CDC123: variants seen among roughly 807,000 people sequenced by gnomAD.
CDC123 encodes the protein translation initiation factor eIF2 assembly protein.
A neutral mutation model predicts 54.4 loss-of-function variants in CDC123; 37 were observed. The ratio of observed to expected loss-of-function variants is 0.68; its 90% CI spans 0.52 to 0.89. The LOEUF (loss-of-function observed/expected upper bound fraction) is 0.89, where lower values mean the gene tolerates loss of function less well. CDC123 is among the 40% of genes least tolerant of loss of function. The pLI is 0.00. For missense variants in CDC123, 361 were observed against 412.1 expected, an observed-to-expected ratio of 0.88 and a Z score of 1.07; for synonymous variants, 144 against 136.8, an observed-to-expected ratio of 1.05 and a Z score of -0.37.
At chr10:12,243,821 G>A (rs1218132234) in intron 10 of CDC123, among the ~76,000 whole-genome samples, 1 of 151,804 alleles carries the variant, frequency 6.6e-6, no homozygotes, top group Non-Finnish European at 1.5e-5. Flanking sequence ...GAAAAGATTT[G>A]GAGGTTAGAA....
At chr10:12,249,170 AC>A (rs1477353628) in intron 11 of CDC123, among the ~76,000 whole-genome samples, 1 of 148,986 alleles carries the variant, frequency 6.7e-6, no homozygotes, top group Non-Finnish European at 1.5e-5. Context: ...GCAACAGCCC[AC>A]CTAGCCTATA....
intron 6 of CDC123, among the ~76,000 whole-genome samples, chr10:12,226,990 C>G (rs1835829604): frequency 6.6e-6 from 1 of 152,126 alleles, no homozygotes; most frequent in Non-Finnish European, 1.5e-5. Flanking sequence ...GAGCGAGACT[C>G]CGTCTGCAAT....
intron 6 of CDC123, among the ~76,000 whole-genome samples, chr10:12,224,051 A>G (rs553233803): frequency 1.3e-5 from 2 of 152,166 alleles, no homozygotes; most frequent in East Asian, 3.9e-4. Flanking sequence ...AGTCCAGTGT[A>G]TCATTTTTAT....
At chr10:12,199,619 T>G (rs1370653387) in intron 2 of CDC123, among the ~76,000 whole-genome samples, 1 of 152,226 alleles carries the variant, frequency 6.6e-6, no homozygotes, top group Non-Finnish European at 1.5e-5. Flanking sequence ...TTTTCAGTAC[T>G]ACTAACTGGA....
At chr10:12,208,640 T>G (rs920578610) in intron 2 of CDC123, among the ~76,000 whole-genome samples, 1 of 152,130 alleles carries the variant, frequency 6.6e-6, no homozygotes, top group African/African-American at 2.4e-5. Flanking sequence ...TGCAGTGAGC[T>G]CACTTGCATT....
At chr10:12,230,821 G>A in intron 6 of CDC123, 127 bp from the exon 7 acceptor site, 1 of 837,486 alleles carries the variant, frequency 1.2e-6, no homozygotes, top group Non-Finnish European at 1.9e-6. Context: ...CGTCGAATTT[G>A]AGTTAGTCTC....
chr10:12,244,866 A>G (rs1295202059), intron 10 of CDC123: 1 of 151,868 alleles, frequency 6.6e-6, no homozygotes, highest in Non-Finnish European at 1.5e-5. Context: ...AAAATTAGCC[A>G]AGCATACTGG....
rs763683481 is a variant in CDC123, at chr10:12,217,462, T to C, written c.435T>C (p.Thr145=). The change falls in exon 6 of 13, where the codon ACT becomes ACC. Residue 145 remains threonine, a synonymous_variant. Transcript: ENST00000281141. ...CCGATTTCATCACTCGTGACTTCAC[T>C]CAGCCGTAAGTATCTCTTATTCTCT... ...KSSDFITRDF[T]QPFIHCTDDS... 1.2e-6 allele frequency: 2 copies of C among 1,613,740 alleles called. No homozygotes were observed. Among genetic ancestry groups the C allele is most frequent in the South Asian group, 1.1e-5 (1 of 90,974 alleles).
chr10:12,229,288 C>A (rs754026717), intron 6 of CDC123, among the ~76,000 whole-genome samples: 1 of 152,188 alleles, frequency 6.6e-6, no homozygotes, highest in Admixed American at 6.5e-5. Context: ...ATCTCCCTTG[C>A]GTAGTTGGAG....
intron 7 of CDC123, 31 bp from the exon 8 acceptor site, chr10:12,235,017 T>C (rs1347946320): frequency 1.9e-6 from 3 of 1,549,642 alleles, no homozygotes; most frequent in Non-Finnish European, 2.7e-6. Context: ...CATAGGTGTG[T>C]TATATTAAAT....
intron 2 of CDC123, among the ~76,000 whole-genome samples, chr10:12,206,698 C>G (rs762817921): frequency 4.6e-5 from 7 of 152,098 alleles, no homozygotes; most frequent in Non-Finnish European, 1.0e-4. Flanking sequence ...GTGGCTTATG[C>G]CTGTAATCCC....
intron 5 of CDC123, among the ~76,000 whole-genome samples, chr10:12,216,915 T>G (rs958297853): frequency 6.6e-6 from 1 of 152,158 alleles, no homozygotes; most frequent in Non-Finnish European, 1.5e-5. Context: ...AGACGTGGGG[T>G]GTAACTGCTC....
intron 10 of CDC123, among the ~76,000 whole-genome samples, chr10:12,243,628 C>CAA (rs146552456): frequency 2.6e-5 from 4 of 151,284 alleles, no homozygotes; most frequent in Non-Finnish European, 5.9e-5. Context: ...ACTAAAAATA[C>CAA]AAAAAATTAG....
intron 10 of CDC123, among the ~76,000 whole-genome samples, chr10:12,240,660 G>T (rs1441655699): frequency 6.6e-6 from 1 of 152,186 alleles, no homozygotes; most frequent in African/African-American, 2.4e-5. Context: ...GATGGCTTGA[G>T]CCCAGGAGTT....
chr10:12,235,603 C>A (rs1341034535), intron 8 of CDC123, among the ~76,000 whole-genome samples: 1 of 152,142 alleles, frequency 6.6e-6, no homozygotes, highest in Non-Finnish European at 1.5e-5. Context: ...GGTTACTGTT[C>A]TGTTTGCTAT....
chr10:12,249,750 A>G (rs373318530), intron 12 of CDC123, 32 bp downstream of exon 12: 12 of 1,568,164 alleles, frequency 7.7e-6, no homozygotes, highest in East Asian at 2.3e-5. Context: ...TATGCTGGCC[A>G]TCTTTTCAAA....
intron 9 of CDC123, 58 bp from the exon 10 acceptor site, chr10:12,238,396 AAGG>A (rs1320976875): frequency 2.0e-5 from 31 of 1,555,678 alleles, no homozygotes; most frequent in Non-Finnish European, 2.6e-5. Flanking sequence ...TAATTTTCAA[AAGG>A]AGATTTACAT....
chr10:12,223,268 C>T (rs1316260424), intron 6 of CDC123, among the ~76,000 whole-genome samples: 6 of 151,540 alleles, frequency 4.0e-5, no homozygotes, highest in Non-Finnish European at 2.9e-5. Context: ...AATTATTATT[C>T]GTTTATGTAT....
intron 6 of CDC123, among the ~76,000 whole-genome samples, chr10:12,220,934 G>T (rs897499391): frequency 1.3e-5 from 2 of 151,202 alleles, no homozygotes; most frequent in African/African-American, 2.4e-5. Context: ...CTGAGATCGC[G>T]CCACTGCACT....
Sources: gnomAD v4.1 joint callset for allele counts (sites outside exome capture counted in the v4.1 genomes callset) on GRCh38, gnomAD v4.1.1 for gene constraint, MANE v1.5 for transcripts, NCBI Gene and HGNC (gene_info 2026-07-23, HGNC 2026-07-21) for gene names.